PPP2CA: variants seen among roughly 807,000 people sequenced by gnomAD.
PPP2CA encodes the protein serine/threonine-protein phosphatase 2A catalytic subunit alpha isoform.
A neutral mutation model predicts 38.8 loss-of-function variants in PPP2CA; 5 were observed. The observed-to-expected ratio is 0.13, with a 90% CI of 0.07 to 0.27. PPP2CA has a LOEUF of 0.27. Among genes scored for constraint, PPP2CA ranks in the 10% least tolerant of loss-of-function variants. The pLI is 1.00. For synonymous variants in PPP2CA, 152 were observed against 134.0 expected, an observed-to-expected ratio of 1.13 and a Z score of -0.93; for missense variants, 88 against 389.7, an observed-to-expected ratio of 0.23 and a Z score of 6.52.
intron 5 of PPP2CA, 37 bp downstream of exon 5, chr5:134,200,298 T>TA (rs755761562): frequency 2.4e-5 from 37 of 1,558,270 alleles, no homozygotes; most frequent in Non-Finnish European, 2.9e-5. Flanking sequence ...TTAAGTTTAC[T>TA]AAAAAAACAA....
At chr5:134,201,615 C>T (rs1260830765) in intron 3 of PPP2CA, among the ~76,000 whole-genome samples, 1 of 152,194 alleles carries the variant, frequency 6.6e-6, no homozygotes, top group African/African-American at 2.4e-5. Flanking sequence ...GCTACATCAC[C>T]CACCCCTGTG....
intron 1 of PPP2CA, among the ~76,000 whole-genome samples, chr5:134,211,765 T>C (rs897812098): frequency 6.6e-6 from 1 of 151,582 alleles, no homozygotes; most frequent in Non-Finnish European, 1.5e-5. Flanking sequence ...CATAAGCCAC[T>C]GCGCCCAGTG....
In PPP2CA at chr5:134,216,557, A is replaced by AAAAAAAAAAAAG. The variant is rs57520870; in HGVS notation, c.102+9202_102+9203insCTTTTTTTTTTT. ...TGCCTCAAAAAAAAAAAAAAAAAAA[A>AAAAAAAAAAAAG]GTGGTTTCCTTCAAAAGAAGGTAGT... On this transcript the variant is annotated intron_variant, in intron 1 of 6. Coordinates refer to ENST00000481195, the MANE Select transcript of PPP2CA (RefSeq NM_002715.4). Among the ~76,000 whole-genome samples the AAAAAAAAAAAAG allele has an allele frequency of 4.5e-5, 5 of 111,084 alleles. 2 individuals carry two copies. The highest frequency in any genetic ancestry group is 1.8e-5 in the Non-Finnish European group (1 of 55,304). 72.9% of individuals were successfully genotyped at this position (111,084 alleles called of 152,430 possible). A position where few individuals can be genotyped will look rare whatever the true frequency, so the allele number is the denominator to read the frequency against.
rs1761825510 is a variant in PPP2CA at position 134,195,310 on chromosome 5, G to C, written c.*2462C>G. ...CTGTCACCCAGACTGGAGTACAGTG[G>C]CACAATCTCAGCCCACTGCAACCTC... On this transcript the variant is annotated 3_prime_UTR_variant, in exon 7 of 7. Coordinates refer to ENST00000481195, the MANE Select transcript of PPP2CA (RefSeq NM_002715.4). 6.6e-6 allele frequency: 1 copy of C among 152,158 alleles called. No individual in the cohort carries two copies. Among genetic ancestry groups the C allele is most frequent in the African/African-American group, 2.4e-5 (1 of 41,426 alleles). 9.4% of individuals were successfully genotyped at this position (152,158 alleles called of 1,614,324 possible). A position where few individuals can be genotyped will look rare whatever the true frequency, so the allele number is the denominator to read the frequency against.
At chr5:134,212,297 T>G (rs1211312312) in intron 1 of PPP2CA, among the ~76,000 whole-genome samples, 1 of 152,258 alleles carries the variant, frequency 6.6e-6, no homozygotes, top group East Asian at 1.9e-4. Flanking sequence ...ACTTCTTGTC[T>G]TTGTCACATC....
chr5:134,210,434 A>G (rs536747565), intron 1 of PPP2CA, among the ~76,000 whole-genome samples: 1 of 152,352 alleles, frequency 6.6e-6, no homozygotes, highest in Non-Finnish European at 1.5e-5. Context: ...AGACAAGCAA[A>G]AGCAAAACAC....
rs147936750 is a variant in PPP2CA, at chr5:134,198,622, G to A, written c.857+464C>T. On this transcript the variant is annotated intron_variant, in intron 6 of 6. Coordinates refer to ENST00000481195, the MANE Select transcript of PPP2CA (RefSeq NM_002715.4). ...GCTCTGTTGCCCAGGCTGGAACGCA[G>A]TGGCGCGATCTTGGCTCACTGCAAC... Among the ~76,000 whole-genome samples the A allele has an allele frequency of 4.8e-3, 735 of 152,280 alleles. 11 individuals carry two copies. The highest frequency in any genetic ancestry group is 0.039 in the East Asian group (203 of 5,170).
chr5:134,206,318 T>C (rs570452891), intron 1 of PPP2CA, among the ~76,000 whole-genome samples, 187 bp from the exon 2 acceptor site: 1 of 152,288 alleles, frequency 6.6e-6, no homozygotes, highest in East Asian at 1.9e-4. Context: ...CCCTGTTACC[T>C]AGGGAAAAAA....
intron 1 of PPP2CA, among the ~76,000 whole-genome samples, chr5:134,211,167 T>C (rs972309063): frequency 6.6e-6 from 1 of 152,048 alleles, no homozygotes; most frequent in Non-Finnish European, 1.5e-5. Context: ...CACGGCTCAC[T>C]GCAGCCTTGA....
chr5:134,208,514 A>G (rs1762131786), intron 1 of PPP2CA, among the ~76,000 whole-genome samples: 1 of 146,656 alleles, frequency 6.8e-6, no homozygotes, highest in South Asian at 2.2e-4. Flanking sequence ...CCCTTTGGGC[A>G]AAGTTACCAA....
At chr5:134,206,993 T>C (rs1222774979) in intron 1 of PPP2CA, among the ~76,000 whole-genome samples, 1 of 152,210 alleles carries the variant, frequency 6.6e-6, no homozygotes, top group Non-Finnish European at 1.5e-5. Context: ...GAGAGACCAC[T>C]TTACATAAGA....
At chr5:134,211,505 T>G (rs1451980353) in intron 1 of PPP2CA, among the ~76,000 whole-genome samples, 1 of 150,560 alleles carries the variant, frequency 6.6e-6, no homozygotes, top group Non-Finnish European at 1.5e-5. Context: ...AGACAGAGTT[T>G]CGCTCTTGTT....
chr5:134,204,941 T>TA, intron 2 of PPP2CA, among the ~76,000 whole-genome samples: 1 of 151,354 alleles, frequency 6.6e-6, no homozygotes, highest in South Asian at 2.1e-4. Context: ...CTCGATATTT[T>TA]TTTTTTTTTT....
Position 134,197,822 on chromosome 5 carries a change from G to A in PPP2CA, c.880C>T (p.Arg294Cys). The A allele has an allele frequency of 1.2e-6, 2 of 1,613,990 alleles. No individual in the cohort carries two copies. The highest frequency in any genetic ancestry group is 8.5e-7 in the Non-Finnish European group (1 of 1,179,958). ...CGAGTAACATGTGGCTCGCCTCTAC[G>A]AGGTGCTGGGTCAAACTGCAAGCTG... ...YSFLQFDPAP[R>C]RGEPHVTRRT... Residue 294 changes from arginine to cysteine, a missense_variant, in exon 7 of 7, where the codon CGT becomes TGT. Coordinates refer to ENST00000481195, the MANE Select transcript of PPP2CA (RefSeq NM_002715.4).
chr5:134,222,017 A>C (rs1321305153), intron 1 of PPP2CA, among the ~76,000 whole-genome samples: 1 of 151,656 alleles, frequency 6.6e-6, no homozygotes, highest in Non-Finnish European at 1.5e-5. Context: ...TTGACTTCCC[A>C]ATTTAGCTTG....
intron 1 of PPP2CA, among the ~76,000 whole-genome samples, chr5:134,222,925 G>A (rs899538932): frequency 6.6e-6 from 1 of 152,018 alleles, no homozygotes; most frequent in Non-Finnish European, 1.5e-5. Flanking sequence ...GTTCACTCTT[G>A]TCTTTTATAA....
intron 1 of PPP2CA, among the ~76,000 whole-genome samples, chr5:134,209,912 G>A (rs1762169305): frequency 6.6e-6 from 1 of 151,964 alleles, no homozygotes. Flanking sequence ...CCTCTCTATA[G>A]AAAATAAAAT....
At chr5:134,210,004 G>A (rs1290460854) in intron 1 of PPP2CA, among the ~76,000 whole-genome samples, 3 of 151,826 alleles carry the variant, frequency 2.0e-5, no homozygotes, top group South Asian at 4.2e-4. Flanking sequence ...CTTGAGCCCA[G>A]AAGTTCAAGG....
At chr5:134,211,215 C>A (rs1762197490) in intron 1 of PPP2CA, among the ~76,000 whole-genome samples, 1 of 152,040 alleles carries the variant, frequency 6.6e-6, no homozygotes, top group Non-Finnish European at 1.5e-5. Context: ...CTTAGTCTCC[C>A]GAGTAGCTGG....
Sources: gnomAD v4.1 joint callset for allele counts (sites outside exome capture counted in the v4.1 genomes callset) on GRCh38, gnomAD v4.1.1 for gene constraint, MANE v1.5 for transcripts, NCBI Gene and HGNC (gene_info 2026-07-23, HGNC 2026-07-21) for gene names.